The following GNB4 variants were observed in gnomAD, a reference collection of about 807,000 sequenced individuals.
The protein encoded by GNB4 is G protein subunit beta 4.
In GNB4, 28 loss-of-function variants were observed where a neutral mutation model predicts 45.2. The observed-to-expected ratio is 0.62, with a 90% CI of 0.46 to 0.85. GNB4 has a LOEUF of 0.85. Among genes scored for constraint, GNB4 ranks in the 40% least tolerant of loss-of-function variants. GNB4 has a pLI of 0.00. For missense variants in GNB4, 321 were observed against 425.4 expected (o/e 0.75, Z 2.16); for synonymous variants, 132 against 143.7 (o/e 0.92, Z 0.58).
the GNB4 span, among the ~76,000 whole-genome samples, chr3:179,475,546 C>A: frequency 3.3e-5 from 5 of 152,020 alleles, no homozygotes; most frequent in East Asian, 9.6e-4. Flanking sequence ...GATCTCGGCT[C>A]ACTGCAATCT....
At chr3:179,484,333 C>A in the GNB4 span, among the ~76,000 whole-genome samples, 1 of 152,214 alleles carries the variant, frequency 6.6e-6, no homozygotes. Context: ...TTATTTGTAT[C>A]CCTACTGGAC....
At chr3:179,409,300 C>T (rs1030647844) in intron 8 of GNB4, among the ~76,000 whole-genome samples, 6 of 147,148 alleles carry the variant, frequency 4.1e-5, no homozygotes, top group African/African-American at 1.0e-4. Flanking sequence ...CACCTGAGGT[C>T]GGGAGTTCGA....
intron 4 of GNB4, among the ~76,000 whole-genome samples, chr3:179,418,035 T>A (rs939789587): frequency 6.6e-6 from 1 of 152,214 alleles, no homozygotes; most frequent in Non-Finnish European, 1.5e-5. Flanking sequence ...TTCATTTTTC[T>A]ATGAAGATTA....
At chr3:179,510,142 T>A in the GNB4 span, among the ~76,000 whole-genome samples, 3 of 152,036 alleles carry the variant, frequency 2.0e-5, no homozygotes, top group Admixed American at 2.0e-4. Flanking sequence ...CTTTTTTTTT[T>A]ACAAAAAGAG....
At chr3:179,408,410 T>C (rs1272456815) in intron 8 of GNB4, among the ~76,000 whole-genome samples, 1 of 152,094 alleles carries the variant, frequency 6.6e-6, no homozygotes, top group Non-Finnish European at 1.5e-5. Context: ...GAACAGAACA[T>C]GAGTGAGCTC....
At chr3:179,415,529 C>T (rs1284466653) in intron 5 of GNB4, among the ~76,000 whole-genome samples, 1 of 152,136 alleles carries the variant, frequency 6.6e-6, no homozygotes, top group African/African-American at 2.4e-5. Context: ...TTAATAGGCC[C>T]TTATTCTGGG....
At chr3:179,476,669 CAT>C in the GNB4 span, among the ~76,000 whole-genome samples, 4 of 152,218 alleles carry the variant, frequency 2.6e-5, no homozygotes, top group Non-Finnish European at 5.9e-5. Flanking sequence ...TGCTTTGAAA[CAT>C]AGGTGGAGAA....
chr3:179,482,821 A>G, the GNB4 span, among the ~76,000 whole-genome samples: 11 of 152,118 alleles, frequency 7.2e-5, no homozygotes, highest in Admixed American at 5.2e-4. Context: ...AAAAGTCTTA[A>G]TTTTTTGGTA....
At chr3:179,454,839 CAAAAT>C (rs369386925), upstream of GNB4, among the ~76,000 whole-genome samples, 103 of 151,800 alleles carry the variant, frequency 6.8e-4, no homozygotes, top group African/African-American at 2.5e-3. Flanking sequence ...TCACCCACAA[CAAAAT>C]AAGTTATAAA....
chr3:179,420,960 A>G (rs1245375379), intron 2 of GNB4, 33 bp from the exon 3 acceptor site: 2 of 1,318,114 alleles, frequency 1.5e-6, no homozygotes, highest in Non-Finnish European at 2.2e-6. Context: ...TAATGCATTT[A>G]GCAACCTGTG....
the GNB4 span, among the ~76,000 whole-genome samples, chr3:179,465,796 TTTCTTCTTC>T: frequency 5.0e-4 from 27 of 54,326 alleles, no homozygotes; most frequent in East Asian, 5.4e-4. Context: ...AGATAATTTT[TTTCTTCTTC>T]TTCTTCTTCT....
chr3:179,436,095 A>G (rs988407510), intron 1 of GNB4, among the ~76,000 whole-genome samples: 1 of 152,258 alleles, frequency 6.6e-6, no homozygotes, highest in South Asian at 2.1e-4. Flanking sequence ...TTTAAATTGC[A>G]CTTTAAAAAT....
At chr3:179,520,009 C>T in the GNB4 span, among the ~76,000 whole-genome samples, 9,251 of 152,264 alleles carry the variant, frequency 0.061, 322 homozygotes, top group Middle Eastern at 0.15. Flanking sequence ...GCCTTATCAA[C>T]CAAATTGTTT....
chr3:179,454,552 A>C (rs1715949796), upstream of GNB4, among the ~76,000 whole-genome samples: 1 of 152,202 alleles, frequency 6.6e-6, no homozygotes, highest in Non-Finnish European at 1.5e-5. Flanking sequence ...ACATTGGATG[A>C]ATCTGAATGC....
chr3:179,434,144 G>A (rs1715382238), intron 1 of GNB4, among the ~76,000 whole-genome samples: 1 of 152,144 alleles, frequency 6.6e-6, no homozygotes, highest in Non-Finnish European at 1.5e-5. Flanking sequence ...GGAATCTATA[G>A]TACATGTGCA....
intron 1 of GNB4, among the ~76,000 whole-genome samples, chr3:179,437,322 T>C (rs1715478698): frequency 6.6e-6 from 1 of 152,114 alleles, no homozygotes; most frequent in African/African-American, 2.4e-5. Flanking sequence ...CCCAGCACTT[T>C]GGGAGGCCGA....
chr3:179,460,183 C>T, the GNB4 span, among the ~76,000 whole-genome samples: 6 of 152,302 alleles, frequency 3.9e-5, 2 homozygotes, highest in Admixed American at 6.5e-5. Context: ...ACTGCTCCAT[C>T]TTACTTTCTG....
At chr3:179,435,813 T>C (rs1195654090) in intron 1 of GNB4, among the ~76,000 whole-genome samples, 5 of 152,194 alleles carry the variant, frequency 3.3e-5, no homozygotes, top group Non-Finnish European at 7.3e-5. Context: ...GTTACAAATA[T>C]CAAAAGATAC....
At chr3:179,423,917 G>C (rs1490680183) in intron 2 of GNB4, among the ~76,000 whole-genome samples, 4 of 152,094 alleles carry the variant, frequency 2.6e-5, no homozygotes, top group African/African-American at 4.8e-5. Flanking sequence ...TTGATAAAAG[G>C]TAACAGATGA....
Sources: allele counts gnomAD v4.1 joint callset (sites outside exome capture counted in the v4.1 genomes callset), GRCh38; gene constraint gnomAD v4.1.1; transcripts MANE v1.5; gene names NCBI Gene and HGNC (gene_info 2026-07-23, HGNC 2026-07-21).